The following CNTN3 variants were observed in gnomAD, a reference collection of about 807,000 sequenced individuals.
CNTN3 encodes contactin-3.
A neutral mutation model predicts 119.1 loss-of-function variants in CNTN3; 60 were observed. The ratio of observed to expected loss-of-function variants is 0.50; its 90% CI spans 0.41 to 0.62. The LOEUF is 0.62. CNTN3 is among the 20% of genes least tolerant of loss of function. CNTN3 has a pLI of 0.00. For missense variants in CNTN3, 1,101 were observed against 1,242.4 expected (o/e 0.89, Z 1.71); for synonymous variants, 450 against 438.7 (o/e 1.03, Z -0.32).
intron 13 of CNTN3, among the ~76,000 whole-genome samples, chr3:74,331,722 G>T (rs1483603096): frequency 6.6e-6 from 1 of 152,098 alleles, no homozygotes; most frequent in Non-Finnish European, 1.5e-5. Context: ...ACGACTTTTT[G>T]ATTCGCCCCA....
intron 1 of CNTN3, among the ~76,000 whole-genome samples, chr3:74,585,989 T>C (rs1040010730): frequency 6.6e-6 from 1 of 152,136 alleles, no homozygotes; most frequent in African/African-American, 2.4e-5. Context: ...ATGTATCAAG[T>C]AGAATACCAA....
chr3:74,449,703 C>T (rs1702112632), intron 4 of CNTN3, among the ~76,000 whole-genome samples: 1 of 152,040 alleles, frequency 6.6e-6, no homozygotes, highest in African/African-American at 2.4e-5. Context: ...AATTGTAAGC[C>T]TGGGTTGGCT....
rs1705108329 is a variant in CNTN3, at chr3:74,613,033, C to G, written c.-81+1358G>C. On this transcript the variant is annotated intron_variant, in intron 1 of 22. Transcript: ENST00000263665. ...GATGCCAGGTTACTGCAGCCAAAGT[C>G]AGGTTACTGTTAGTAAACACATCTA... is the stretch of plus-strand genomic sequence containing the variant. Among the ~76,000 whole-genome samples the G allele has an allele frequency of 2.0e-5, 3 of 152,302 alleles. No individual in the cohort carries two copies. In the South Asian group the frequency reaches 6.2e-4, roughly 32 times the overall value.
At chr3:74,300,203 C>T (rs1702426362) in intron 16 of CNTN3, among the ~76,000 whole-genome samples, 1 of 151,992 alleles carries the variant, frequency 6.6e-6, no homozygotes, top group South Asian at 2.1e-4. Context: ...TTGGAAGATA[C>T]TTTGCTAGTA....
At chr3:74,306,235 C>T (rs1453475453) in intron 13 of CNTN3, among the ~76,000 whole-genome samples, 4 of 110,888 alleles carry the variant, frequency 3.6e-5, no homozygotes, top group Non-Finnish European at 5.3e-5. Flanking sequence ...AAAAAAGAAA[C>T]TCGGTAAAAT....
rs150821058 is a variant in CNTN3, at chr3:74,398,345, C to G, written c.454+26500G>C. On this transcript the variant is annotated intron_variant, in intron 5 of 22. Transcript: ENST00000263665. Reference sequence around the variant, plus strand: ...CAGTCAGCAGCCATTAACACTGAAGCAAGACCCTCTACTAGCAAAAAGTTT... The same window carrying G: ...CAGTCAGCAGCCATTAACACTGAAGGAAGACCCTCTACTAGCAAAAAGTTT... 4.5e-3 allele frequency among the ~76,000 whole-genome samples: 684 copies of G among 152,332 alleles called. 10 individuals are homozygous for G. Among genetic ancestry groups the G allele is most frequent in the African/African-American group, 0.016 (650 of 41,584 alleles).
At chr3:74,556,858 T>C (rs936770230) in intron 1 of CNTN3, among the ~76,000 whole-genome samples, 1 of 152,212 alleles carries the variant, frequency 6.6e-6, no homozygotes. Flanking sequence ...TATATTTCAC[T>C]TTGGCTTCAA....
At chr3:74,485,751 A>G (rs79269214) in intron 4 of CNTN3, among the ~76,000 whole-genome samples, 49,246 of 149,604 alleles carry the variant, frequency 0.33, 10,653 homozygotes, top group Non-Finnish European at 0.48. Context: ...AAAAAAAAAA[A>G]AGAGAAAATA....
intron 1 of CNTN3, among the ~76,000 whole-genome samples, chr3:74,597,463 T>C (rs769147204): frequency 1.3e-5 from 2 of 152,004 alleles, no homozygotes; most frequent in Non-Finnish European, 2.9e-5. Context: ...AATTTACAAT[T>C]ACTAAAAAGA....
At chr3:74,405,446 A>G (rs891815911) in intron 5 of CNTN3, among the ~76,000 whole-genome samples, 3 of 152,064 alleles carry the variant, frequency 2.0e-5, no homozygotes, top group Non-Finnish European at 2.9e-5. Flanking sequence ...TTAGTTCCAC[A>G]TTGTTTTAGT....
At chr3:74,468,099 T>C (rs1156941323) in intron 4 of CNTN3, among the ~76,000 whole-genome samples, 1 of 152,174 alleles carries the variant, frequency 6.6e-6, no homozygotes, top group Non-Finnish European at 1.5e-5. Flanking sequence ...TGGACTCCAA[T>C]AAGAATGGAT....
At chr3:74,464,153 T>C (rs926816539) in intron 4 of CNTN3, among the ~76,000 whole-genome samples, 2 of 152,144 alleles carry the variant, frequency 1.3e-5, no homozygotes, top group Non-Finnish European at 1.5e-5. Context: ...TGTTACCTCA[T>C]AGAGTTGTTA....
chr3:74,398,575 C>A lies in CNTN3; in HGVS notation c.454+26270G>T, dbSNP rs544128278. On this transcript the variant is annotated intron_variant, in intron 5 of 22. Transcript: ENST00000263665. ...TTTATTGAGGTGGTGTAGATGGGTC[C>A]CAGACCACAATATATCTGAGATATG... Among the ~76,000 whole-genome samples, 4 of 151,660 alleles carry A rather than the reference C, an allele frequency of 2.6e-5. No homozygotes were observed. In the East Asian group the frequency reaches 5.8e-4, roughly 22 times the overall value.
chr3:74,301,311 C>A, intron 16 of CNTN3, 87 bp downstream of exon 16: 1 of 1,336,520 alleles, frequency 7.5e-7, no homozygotes, highest in Admixed American at 2.0e-5. Flanking sequence ...TTGAGGCTGA[C>A]CCCCTGCTGG....
chr3:74,516,328 G>A (rs1373506974), intron 2 of CNTN3, among the ~76,000 whole-genome samples: 1 of 150,084 alleles, frequency 6.7e-6, no homozygotes, highest in Admixed American at 6.6e-5. Context: ...GAGACAGCAA[G>A]AGCAACCCCC....
intron 4 of CNTN3, among the ~76,000 whole-genome samples, chr3:74,468,579 T>G (rs948666237): frequency 2.0e-5 from 3 of 152,186 alleles, no homozygotes; most frequent in African/African-American, 7.2e-5. Flanking sequence ...AATTGAATTA[T>G]CTGAATTAAC....
intron 5 of CNTN3, among the ~76,000 whole-genome samples, chr3:74,406,036 C>G (rs1223379956): frequency 2.6e-5 from 4 of 152,018 alleles, no homozygotes; most frequent in African/African-American, 9.7e-5. Context: ...CTTCATTTTT[C>G]TATTGTTGGT....
chr3:74,548,421 G>A (rs1206440840), intron 1 of CNTN3, among the ~76,000 whole-genome samples: 3 of 152,066 alleles, frequency 2.0e-5, no homozygotes, highest in Non-Finnish European at 4.4e-5. Context: ...ATTATCAAAT[G>A]CTTTTTCAGT....
At chr3:74,426,159 C>T (rs993672670) in intron 4 of CNTN3, among the ~76,000 whole-genome samples, 4 of 152,004 alleles carry the variant, frequency 2.6e-5, no homozygotes, top group Non-Finnish European at 5.9e-5. Flanking sequence ...TTTAAAAATG[C>T]TTTAGTTCAT....
Sources: allele counts gnomAD v4.1 joint callset (sites outside exome capture counted in the v4.1 genomes callset), GRCh38; gene constraint gnomAD v4.1.1; transcripts MANE v1.5; gene names NCBI Gene and HGNC (gene_info 2026-07-23, HGNC 2026-07-21).